The following ZC3H18 variants were observed in gnomAD, a reference collection of about 807,000 sequenced individuals.
ZC3H18 encodes zinc finger CCCH domain-containing protein 18.
Under a neutral mutation model 106.1 loss-of-function variants are expected in ZC3H18, and 8 were observed. The ratio of observed to expected loss-of-function variants is 0.08; its 90% CI spans 0.04 to 0.14. The LOEUF is 0.14. Ranked by LOEUF, ZC3H18 falls within the 10% of genes least tolerant of loss-of-function variation. ZC3H18 has a pLI of 1.00. For missense variants in ZC3H18, 1,318 were observed against 1,278.4 expected, an observed-to-expected ratio of 1.03 and a Z score of -0.47; for synonymous variants, 635 against 522.1, an observed-to-expected ratio of 1.22 and a Z score of -2.95.
chr16:88,593,021 G>C (rs546451662), intron 3 of ZC3H18, among the ~76,000 whole-genome samples: 2 of 152,320 alleles, frequency 1.3e-5, no homozygotes, highest in African/African-American at 4.8e-5. Flanking sequence ...TAATTTATAA[G>C]TTACGCACAG....
At chr16:88,576,212 AT>A (rs11369010) in intron 1 of ZC3H18, among the ~76,000 whole-genome samples, 3 of 147,044 alleles carry the variant, frequency 2.0e-5, no homozygotes, top group Admixed American at 6.8e-5. Context: ...GAATTTTAGT[AT>A]TTTTTTTTTA....
chr16:88,593,816 A>T (rs1435456219), intron 3 of ZC3H18, among the ~76,000 whole-genome samples: 1 of 152,212 alleles, frequency 6.6e-6, no homozygotes, highest in Non-Finnish European at 1.5e-5. Context: ...TTCAGTTGAA[A>T]ATTGGACTTT....
At chr16:88,587,833 A>G (rs933494024) in intron 3 of ZC3H18, among the ~76,000 whole-genome samples, 1 of 152,200 alleles carries the variant, frequency 6.6e-6, no homozygotes, top group Non-Finnish European at 1.5e-5. Flanking sequence ...GCGGAGTCCC[A>G]TCATTCAGAG....
At chr16:88,596,312 A>G (rs1567585195) in intron 3 of ZC3H18, among the ~76,000 whole-genome samples, 1 of 152,182 alleles carries the variant, frequency 6.6e-6, no homozygotes, top group Non-Finnish European at 1.5e-5. Flanking sequence ...GAACGATAAC[A>G]TTTAGCCACC....
intron 2 of ZC3H18, among the ~76,000 whole-genome samples, chr16:88,585,791 A>G (rs796220238): frequency 1.1e-4 from 16 of 151,778 alleles, no homozygotes; most frequent in African/African-American, 3.9e-4. Flanking sequence ...GGAGATGGGG[A>G]GGGGGATCAA....
Position 88,622,258 on chromosome 16 carries a change from G to T in ZC3H18, c.1537G>T (p.Asp513Tyr). The T allele has an allele frequency of 6.2e-7, 1 of 1,614,194 alleles. No individual in the cohort carries two copies. The highest frequency in any genetic ancestry group is 1.7e-5 in the Admixed American group (1 of 60,030). The change falls in exon 9 of 18, where the codon GAT becomes TAT. Residue 513 changes from aspartate (D) to tyrosine (Y), a missense_variant. By Grantham distance (160) the Asp-to-Tyr change is radical (BLOSUM62 -3). Coordinates refer to ENST00000301011, the MANE Select transcript of ZC3H18 (RefSeq NM_144604.4). Reference sequence around the variant, plus strand: ...CACGGGGCCGCAGGTGAAGAGAGCAGATGAGTGGAAGGACCCTTGGCGCCG... The same window carrying T: ...CACGGGGCCGCAGGTGAAGAGAGCATATGAGTGGAAGGACCCTTGGCGCCG... ...ATTGPQVKRA[D>Y]EWKDPWRRSK...
At chr16:88,601,346 T>A (rs1179249496) in intron 6 of ZC3H18, among the ~76,000 whole-genome samples, 1 of 152,220 alleles carries the variant, frequency 6.6e-6, no homozygotes, top group Non-Finnish European at 1.5e-5. Flanking sequence ...GGATATCGTC[T>A]TTCCTTCCCC....
At chr16:88,607,179 G>A (rs1316873629) in intron 6 of ZC3H18, among the ~76,000 whole-genome samples, 1 of 152,176 alleles carries the variant, frequency 6.6e-6, no homozygotes, top group Non-Finnish European at 1.5e-5. Context: ...TCCCTGAGAT[G>A]CCACCTCTCT....
intron 15 of ZC3H18, chr16:88,628,499 C>T (rs1199021088): frequency 2.5e-5 from 14 of 552,600 alleles, no homozygotes; most frequent in Middle Eastern, 5.0e-4. Context: ...GTCCCAGGTC[C>T]TCCTAGAGTG....
rs767226389 is a variant in ZC3H18 at position 88,577,454 on chromosome 16, G to A, written c.331G>A (p.Asp111Asn). Residue 111 changes from aspartate (D) to asparagine (N), a missense_variant, in exon 2 of 18, where the codon GAC becomes AAC. Physicochemically the swap from Asp to Asn is conservative, Grantham distance 23. Transcript: ENST00000301011. ...CGAAGGGGAGGAAGACCGGACAAGC[G>A]ACCTTAGGGATGAGGCCTCCTCAGT... ...GDEGEEDRTSDLRDEASSVTR... is the reference protein window; with the variant it reads ...GDEGEEDRTSNLRDEASSVTR... 4 of 1,610,260 alleles carry A rather than the reference G, an allele frequency of 2.5e-6. No individual in the cohort carries two copies. In the South Asian group the frequency reaches 3.3e-5, roughly 13 times the overall value.
chr16:88,599,392 T>C (rs1904625654), intron 5 of ZC3H18, among the ~76,000 whole-genome samples: 1 of 152,200 alleles, frequency 6.6e-6, no homozygotes, highest in Non-Finnish European at 1.5e-5. Context: ...CTCATTTTCC[T>C]GGTCAGCCTC....
intron 13 of ZC3H18, 120 bp downstream of exon 13, chr16:88,625,387 A>C: frequency 7.8e-7 from 1 of 1,282,332 alleles, no homozygotes; most frequent in Non-Finnish European, 1.1e-6. Flanking sequence ...TCTGGATCTG[A>C]GTCACCCTGG....
intron 8 of ZC3H18, among the ~76,000 whole-genome samples, chr16:88,612,679 T>G (rs1379909755): frequency 7.6e-6 from 1 of 132,122 alleles, no homozygotes; most frequent in Non-Finnish European, 1.6e-5. Flanking sequence ...ACCCTGTATC[T>G]AAAAAAAAAA....
Position 88,624,764 on chromosome 16 carries a change from G to C in ZC3H18, c.2042+19G>C. Reference sequence around the variant, plus strand: ...CCAGGAGGTGAGCACTCCGGCGTCCGGGGCCCTCAGGCTTTCCGTGTTCTT... The same window carrying C: ...CCAGGAGGTGAGCACTCCGGCGTCCCGGGCCCTCAGGCTTTCCGTGTTCTT... On this transcript the variant is annotated intron_variant, in intron 12 of 17. Coordinates refer to ENST00000301011, the MANE Select transcript of ZC3H18 (RefSeq NM_144604.4). 1 of 1,597,628 alleles carries C rather than the reference G, an allele frequency of 6.3e-7. No homozygotes were observed. The highest frequency in any genetic ancestry group is 1.1e-5 in the South Asian group (1 of 89,466).
At chr16:88,587,283 G>T (rs1567580875) in intron 3 of ZC3H18, among the ~76,000 whole-genome samples, 1 of 152,190 alleles carries the variant, frequency 6.6e-6, no homozygotes, top group Non-Finnish European at 1.5e-5. Flanking sequence ...CTAGCCTGAT[G>T]ATGTTAGGGC....
intron 8 of ZC3H18, among the ~76,000 whole-genome samples, chr16:88,616,769 G>A (rs1025392865): frequency 6.6e-6 from 1 of 152,086 alleles, no homozygotes; most frequent in African/African-American, 2.4e-5. Flanking sequence ...TTTTACCCAG[G>A]GAGATCCATT....
rs772874924 is a variant in ZC3H18, at chr16:88,577,230, A to G, written c.107A>G (p.Gln36Arg). Residue 36 changes from glutamine (Q) to arginine (R), a missense_variant, in exon 2 of 18, where the codon CAG becomes CGG. By Grantham distance (43) the Gln-to-Arg change is conservative. This residue lies in a region of ZC3H18 where 346 missense variants were observed against 269.0 expected (regional missense o/e 1.29). Coordinates refer to ENST00000301011, the MANE Select transcript of ZC3H18 (RefSeq NM_144604.4). ...DDILRDSGSD[Q>R]DLDGAGVRAS... ...ATTCTGAGGGACAGCGGGTCCGATCAGGATTTGGACGGGGCGGGGGTGAGG... is the reference window on the plus strand; with the variant it reads ...ATTCTGAGGGACAGCGGGTCCGATCGGGATTTGGACGGGGCGGGGGTGAGG... 6 of 1,613,026 alleles carry G rather than the reference A, an allele frequency of 3.7e-6. No individual in the cohort carries two copies. The South Asian group carries it at 4.4e-5, about 12-fold the overall frequency.
At position 88,624,896 on chromosome 16, in the gene ZC3H18, G is replaced by A. The variant is rs1252052186; in HGVS notation, c.2042+151G>A. 2.4e-5 allele frequency: 30 copies of A among 1,226,242 alleles called. No homozygotes were observed. The East Asian group carries it at 3.6e-4, about 15-fold the overall frequency. 76.0% of individuals were successfully genotyped at this position (1,226,242 alleles called of 1,614,324 possible). ...AGCAGCACCCAGTGAGCCCTTACCC[G>A]GGAACCTGCCCTGTCCCCTCCCTGA... On this transcript the variant is annotated intron_variant, in intron 12 of 17. Coordinates refer to ENST00000301011, the MANE Select transcript of ZC3H18 (RefSeq NM_144604.4).
At chr16:88,609,135 G>A in intron 7 of ZC3H18, 84 bp downstream of exon 7, 2 of 1,157,818 alleles carry the variant, frequency 1.7e-6, no homozygotes, top group African/African-American at 1.6e-5. Context: ...AAAAAATACA[G>A]GGCTTTATAT....
Sources: allele counts gnomAD v4.1 joint callset (sites outside exome capture counted in the v4.1 genomes callset), GRCh38; gene constraint gnomAD v4.1.1; regional missense constraint gnomAD v4.1.1; transcripts MANE v1.5; gene names NCBI Gene and HGNC (gene_info 2026-07-23, HGNC 2026-07-21).